RNF111: variants seen among roughly 807,000 people sequenced by gnomAD.
The protein encoded by RNF111 is ring finger protein 111.
Under a neutral mutation model 95.1 loss-of-function variants are expected in RNF111, and 17 were observed. That is an observed-to-expected ratio of 0.18 (90% CI 0.12 to 0.27). The LOEUF is 0.27. Among genes scored for constraint, RNF111 ranks in the 10% least tolerant of loss-of-function variants. The pLI is 1.00. For missense variants in RNF111, 1,189 were observed against 1,210.4 expected (o/e 0.98, Z 0.26); for synonymous variants, 440 against 414.8 (o/e 1.06, Z -0.74).
intron 5 of RNF111, among the ~76,000 whole-genome samples, chr15:59,058,835 T>C (rs577170637): frequency 3.9e-5 from 6 of 152,260 alleles, no homozygotes; most frequent in African/African-American, 1.4e-4. Flanking sequence ...AGTAGATAAG[T>C]TGGACTTCAT....
intron 11 of RNF111, among the ~76,000 whole-genome samples, chr15:59,090,784 A>G (rs1220775349): frequency 6.6e-6 from 1 of 152,118 alleles, no homozygotes; most frequent in South Asian, 2.1e-4. Context: ...TAAGTCAGGC[A>G]TGGTGGCTCA....
intron 2 of RNF111, among the ~76,000 whole-genome samples, chr15:59,035,595 T>G (rs1231437203): frequency 2.6e-5 from 4 of 152,186 alleles, no homozygotes; most frequent in Non-Finnish European, 5.9e-5. Context: ...AGGCTGCAAA[T>G]TTTGCAAATT....
chr15:59,001,920 A>G (rs1047923330), intron 1 of RNF111, among the ~76,000 whole-genome samples: 1 of 152,196 alleles, frequency 6.6e-6, no homozygotes, highest in Non-Finnish European at 1.5e-5. Flanking sequence ...ATTAATAGCA[A>G]TAACTAATAA....
At chr15:59,056,891 G>T (rs1223090176) in intron 4 of RNF111, among the ~76,000 whole-genome samples, 1 of 152,120 alleles carries the variant, frequency 6.6e-6, no homozygotes, top group Non-Finnish European at 1.5e-5. Context: ...AGTAGGAGAA[G>T]GTGATAGAGT....
chr15:59,017,281 C>T (rs1392185743), intron 1 of RNF111, among the ~76,000 whole-genome samples: 2 of 151,872 alleles, frequency 1.3e-5, no homozygotes, highest in Non-Finnish European at 2.9e-5. Context: ...TTCCAGAGAT[C>T]GTAAATGCGT....
intron 1 of RNF111, among the ~76,000 whole-genome samples, chr15:59,010,945 T>C (rs2039772771): frequency 6.6e-6 from 1 of 152,210 alleles, no homozygotes; most frequent in Non-Finnish European, 1.5e-5. Flanking sequence ...GTTTTTCATA[T>C]GCTCAAAAGT....
chr15:58,995,924 A>G (rs981970872), intron 1 of RNF111, among the ~76,000 whole-genome samples: 1 of 151,864 alleles, frequency 6.6e-6, no homozygotes, highest in Non-Finnish European at 1.5e-5. Context: ...CTGTTGTGTT[A>G]TTTATATACA....
intron 1 of RNF111, among the ~76,000 whole-genome samples, chr15:59,009,100 T>C (rs1338623707): frequency 6.6e-6 from 1 of 152,006 alleles, no homozygotes; most frequent in Non-Finnish European, 1.5e-5. Context: ...GCTGGGATTA[T>C]AGGTGCACCA....
intron 2 of RNF111, among the ~76,000 whole-genome samples, chr15:59,047,577 AATT>A (rs1356306241): frequency 2.0e-5 from 3 of 151,818 alleles, no homozygotes; most frequent in Non-Finnish European, 2.9e-5. Context: ...TGTTTTTTTT[AATT>A]ATTATTATGT....
chr15:58,997,222 A>G (rs1457423011), intron 1 of RNF111, among the ~76,000 whole-genome samples: 7 of 152,166 alleles, frequency 4.6e-5, no homozygotes, highest in Admixed American at 3.9e-4. Flanking sequence ...CTGAAGATGT[A>G]TCTCTTTCCT....
At chr15:59,058,139 G>C (rs2042274611) in intron 4 of RNF111, among the ~76,000 whole-genome samples, 1 of 152,174 alleles carries the variant, frequency 6.6e-6, no homozygotes, top group Non-Finnish European at 1.5e-5. Flanking sequence ...AAGCATATCG[G>C]TGTTGGATTT....
intron 1 of RNF111, among the ~76,000 whole-genome samples, chr15:59,013,963 A>AT (rs2039950614): frequency 6.6e-6 from 1 of 151,532 alleles, no homozygotes; most frequent in African/African-American, 2.4e-5. Context: ...TAATTTTTGT[A>AT]TTTTTTAGTG....
chr15:59,002,157 G>A (rs555223849), intron 1 of RNF111, among the ~76,000 whole-genome samples: 13 of 152,206 alleles, frequency 8.5e-5, no homozygotes, highest in South Asian at 4.1e-4. Flanking sequence ...AACTGAAACC[G>A]TAGACAGTAA....
rs146308750 is a variant in RNF111, at chr15:58,998,031, A to G, written c.-20+9963A>G. ...TCAATTCTCCTGCCTCAGGCTCCCT[A>G]GTAGCTGGGATTACAGGCCCGTGCC... On this transcript the variant is annotated intron_variant, in intron 1 of 13. Coordinates refer to ENST00000348370, the MANE Select transcript of RNF111 (RefSeq NM_017610.8). 3.7e-3 allele frequency among the ~76,000 whole-genome samples: 560 copies of G among 151,478 alleles called. 4 individuals are homozygous for G. Among genetic ancestry groups the G allele is most frequent in the African/African-American group, 0.013 (536 of 41,330 alleles).
intron 1 of RNF111, among the ~76,000 whole-genome samples, chr15:58,996,232 T>C (rs1389259290): frequency 6.6e-6 from 1 of 152,192 alleles, no homozygotes; most frequent in Non-Finnish European, 1.5e-5. Flanking sequence ...TCATCAAACA[T>C]TCTAATCTGA....
intron 1 of RNF111, among the ~76,000 whole-genome samples, chr15:59,027,324 G>A (rs1170610753): frequency 6.6e-6 from 1 of 152,126 alleles, no homozygotes; most frequent in African/African-American, 2.4e-5. Flanking sequence ...TTCTGTTGCT[G>A]ATGGAGTCTC....
chr15:59,077,157 T>A (rs2078589229), intron 7 of RNF111, among the ~76,000 whole-genome samples: 1 of 152,250 alleles, frequency 6.6e-6, no homozygotes, highest in South Asian at 2.1e-4. Flanking sequence ...ATTCTTTGTA[T>A]GAGCACCAGT....
chr15:59,037,897 C>T lies in RNF111; in HGVS notation c.880+6195C>T, dbSNP rs143629978. Among the ~76,000 whole-genome samples the T allele has an allele frequency of 2.2e-3, 328 of 152,230 alleles. 1 individual carries two copies. Among genetic ancestry groups the T allele is most frequent in the Non-Finnish European group, 2.7e-3 (181 of 68,018 alleles). On this transcript the variant is annotated intron_variant, in intron 2 of 13. Coordinates refer to ENST00000348370, the MANE Select transcript of RNF111 (RefSeq NM_017610.8). ...TCAGTCTTCAAGGAAACGTAAATGT[C>T]AAATATGCTCCTAAATAAGAGAGCT...
intron 2 of RNF111, among the ~76,000 whole-genome samples, chr15:59,032,066 G>A (rs1453718709): frequency 6.6e-6 from 1 of 152,106 alleles, no homozygotes; most frequent in East Asian, 1.9e-4. Flanking sequence ...AGCCTCCCAA[G>A]TAGCCAGGAT....
Sources: gnomAD v4.1 joint callset for allele counts (sites outside exome capture counted in the v4.1 genomes callset) on GRCh38, gnomAD v4.1.1 for gene constraint, MANE v1.5 for transcripts, NCBI Gene and HGNC (gene_info 2026-07-23, HGNC 2026-07-21) for gene names.